The following FLNB variants were observed in gnomAD, a reference collection of about 807,000 sequenced individuals.
The protein encoded by FLNB is filamin-B.
In FLNB, 111 loss-of-function variants were observed where a neutral mutation model predicts 250.6. That is an observed-to-expected ratio of 0.44 (90% confidence interval 0.38 to 0.52). The LOEUF is 0.52. Ranked by LOEUF, FLNB falls within the 20% of genes least tolerant of loss-of-function variation. The pLI is 0.00. For synonymous variants in FLNB, 1,302 were observed against 1,372.1 expected (o/e 0.95, Z 1.13); for missense variants, 2,869 against 3,447.8 (o/e 0.83, Z 4.20).
chr3:58,166,647 C>A (rs147573258), intron 43 of FLNB, among the ~76,000 whole-genome samples: 5 of 151,996 alleles, frequency 3.3e-5, no homozygotes, highest in East Asian at 1.9e-4. Context: ...ACAGCAAAAC[C>A]CCATCTCTAC....
rs778577280 is a variant in FLNB at position 58,105,165 on chromosome 3, C to T, written c.1696C>T (p.Arg566Trp). The T allele has an allele frequency of 3.5e-5, 57 of 1,614,176 alleles. No individual in the cohort carries two copies. Among genetic ancestry groups the T allele is most frequent in the East Asian group, 1.8e-4 (8 of 44,884 alleles). The part of the protein sequence containing the change: ...GPGLHGGIVG[R>W]SADFVVESIG... The stretch of plus-strand genomic sequence containing the variant: ...TGGGCTCCATGGTGGGATTGTCGGG[C>T]GGTCAGCGGACTTCGTGGTAGAATC... Residue 566 changes from arginine (R) to tryptophan (W), a missense_variant, in exon 11 of 46, where the codon CGG (arginine) becomes TGG (tryptophan). Coordinates refer to ENST00000295956, the MANE Select transcript of FLNB (RefSeq NM_001457.4).
intron 29 of FLNB, among the ~76,000 whole-genome samples, chr3:58,141,175 C>T (rs536066141): frequency 3.2e-4 from 48 of 152,180 alleles, no homozygotes; most frequent in Non-Finnish European, 2.9e-4. Context: ...ATCACCTGGG[C>T]CCAGAAGGTT....
chr3:58,031,383 C>T (rs1341098797), intron 1 of FLNB, among the ~76,000 whole-genome samples: 3 of 151,738 alleles, frequency 2.0e-5, no homozygotes, highest in East Asian at 3.9e-4. Flanking sequence ...GCTGGGACTA[C>T]AGGCGCCCGC....
intron 32 of FLNB, among the ~76,000 whole-genome samples, chr3:58,144,417 C>T (rs1468180071): frequency 6.6e-6 from 1 of 152,212 alleles, no homozygotes; most frequent in Admixed American, 6.5e-5. Context: ...TTAAGACTCT[C>T]CATGCAAACG....
At chr3:58,162,670 G>A (rs2097363715) in intron 42 of FLNB, 1 of 182,206 alleles carries the variant, frequency 5.5e-6, no homozygotes, top group Non-Finnish European at 1.2e-5. Flanking sequence ...CCCAATGGGT[G>A]AACAAAGTAA....
Position 58,097,945 on chromosome 3 carries a change from A to G in FLNB, c.1115A>G (p.Asn372Ser). The G allele has an allele frequency of 5.0e-6, 8 of 1,614,160 alleles. No homozygotes were observed. Among genetic ancestry groups the G allele is most frequent in the East Asian group, 2.2e-5 (1 of 44,884 alleles). The change falls in exon 7 of 46, where the codon AAT (asparagine) becomes AGT (serine). Residue 372 changes from asparagine to serine, a missense_variant. This residue lies in a region of FLNB where 1,348 missense variants were observed against 1,466.7 expected (regional missense o/e 0.92). Transcript: ENST00000295956. Reference sequence around the variant, plus strand: ...TTGGAAGCTGTAGGGAACATCGCCAATAAGCCCACCTACTTTGACATCTAT... The same window carrying G: ...TTGGAAGCTGTAGGGAACATCGCCAGTAAGCCCACCTACTTTGACATCTAT... ...PGLEAVGNIA[N>S]KPTYFDIYTA...
chr3:58,139,271 G>C (rs116612347), intron 29 of FLNB, among the ~76,000 whole-genome samples: 12 of 152,250 alleles, frequency 7.9e-5, no homozygotes, highest in African/African-American at 2.9e-4. Context: ...ACCAAGCATC[G>C]TTGGCTTTTT....
rs1442314692 is a variant in FLNB at position 58,154,913 on chromosome 3, A to G, written c.6757A>G (p.Ile2253Val). 2 of 1,614,044 alleles carry G rather than the reference A, an allele frequency of 1.2e-6. No homozygotes were observed. Among genetic ancestry groups the G allele is most frequent in the Non-Finnish European group, 1.7e-6 (2 of 1,179,980 alleles). The change falls in exon 40 of 46, where the codon ATT becomes GTT. Residue 2253 changes from isoleucine (I) to valine (V), a missense_variant. By Grantham distance (29) the Ile-to-Val change is conservative. This residue lies in a region of FLNB where 1,084 missense variants were observed against 1,315.5 expected (regional missense o/e 0.82). Transcript: ENST00000295956. The part of the protein sequence containing the change: ...HKNGSCGVSY[I>V]AQEPGNYEVS... ...AAATGGGTCGTGCGGTGTATCTTAT[A>G]TTGCCCAAGAGCCTGGTATGTATTC...
rs765729388 is a variant in FLNB at position 58,105,127 on chromosome 3, G to A, written c.1658G>A (p.Arg553His). ...CCTGAAGCGGGTATGCAGAAAGTCC[G>A]TGCTTGGGGCCCTGGGCTCCATGGT... ...VGPEAGMQKV[R>H]AWGPGLHGGI... Residue 553 changes from arginine to histidine, a missense_variant, in exon 11 of 46, where the codon CGT becomes CAT. By Grantham distance (29) the Arg-to-His change is conservative. This residue lies in a region of FLNB where 1,348 missense variants were observed against 1,466.7 expected (regional missense o/e 0.92). Transcript: ENST00000295956. 26 of 1,614,088 alleles carry A rather than the reference G, an allele frequency of 1.6e-5. No homozygotes were observed. The highest frequency in any genetic ancestry group is 1.0e-4 in the Admixed American group (6 of 60,014).
chr3:58,126,750 G>T lies in FLNB; in HGVS notation c.4210G>T (p.Ala1404Ser). The T allele has an allele frequency of 6.2e-7, 1 of 1,613,744 alleles. No homozygotes were observed. Among genetic ancestry groups the T allele is most frequent in the Non-Finnish European group, 8.5e-7 (1 of 1,179,718 alleles). Residue 1404 changes from alanine to serine, a missense_variant, in exon 24 of 46, where the codon GCC (alanine) becomes TCC (serine). This residue lies in a region of FLNB where 1,348 missense variants were observed against 1,466.7 expected (regional missense o/e 0.92). Transcript: ENST00000295956. ...DYDVNITYGG[A>S]HIPGSPFRVP... ...CGATGTTAATATCACATATGGAGGA[G>T]CCCACATCCCCGGTGAGCTATTCCT...
chr3:58,025,890 C>T (rs1043343359), intron 1 of FLNB, among the ~76,000 whole-genome samples: 44 of 152,210 alleles, frequency 2.9e-4, no homozygotes, highest in Admixed American at 3.9e-4. Context: ...CATGCCACTG[C>T]ACTCCAGCCT....
At position 58,170,896 on chromosome 3, in the gene FLNB, G is replaced by A; in HGVS notation, c.*134G>A. On this transcript the variant is annotated 3_prime_UTR_variant, in exon 46 of 46. Coordinates refer to ENST00000295956, the MANE Select transcript of FLNB (RefSeq NM_001457.4). ...CCCTAAAATATTGCTGTTGTAAAATGCCTTCAGAAATAAGTCCTAGACTGG... is the reference window on the plus strand; with the variant it reads ...CCCTAAAATATTGCTGTTGTAAAATACCTTCAGAAATAAGTCCTAGACTGG... 1 of 807,510 alleles carries A rather than the reference G, an allele frequency of 1.2e-6. No individual in the cohort carries two copies. The highest frequency in any genetic ancestry group is 2.0e-6 in the Non-Finnish European group (1 of 489,566). 50.0% of individuals were successfully genotyped at this position (807,510 alleles called of 1,614,324 possible). A position where few individuals can be genotyped will look rare whatever the true frequency, so the allele number is the denominator to read the frequency against.
In FLNB at chr3:58,130,853, G is replaced by A; in HGVS notation, c.4335G>A (p.Val1445=). ...VRARVLQSFT[V]DSSKAGLAPL... is the part of the protein sequence containing the mutation. Reference sequence around the variant, plus strand: ...CCCGTGTCCTGCAGTCCTTCACGGTGGACAGCAGCAAGGCTGGCCTGGCTC... The same window carrying A: ...CCCGTGTCCTGCAGTCCTTCACGGTAGACAGCAGCAAGGCTGGCCTGGCTC... The change falls in exon 25 of 46, where the codon GTG becomes GTA. Residue 1445 remains valine (V), a synonymous_variant. Transcript: ENST00000295956. 6.2e-7 allele frequency: 1 copy of A among 1,613,366 alleles called. No individual in the cohort carries two copies. Among genetic ancestry groups the A allele is most frequent in the South Asian group, 1.1e-5 (1 of 90,862 alleles).
chr3:58,063,356 TGA>T (rs2097181165), intron 1 of FLNB, among the ~76,000 whole-genome samples: 1 of 152,172 alleles, frequency 6.6e-6, no homozygotes, highest in Non-Finnish European at 1.5e-5. Flanking sequence ...GTCCCTGGGC[TGA>T]GAGAGTTTGC....
intron 1 of FLNB, among the ~76,000 whole-genome samples, chr3:58,040,200 C>T (rs879821014): frequency 2.0e-5 from 3 of 152,190 alleles, no homozygotes; most frequent in Non-Finnish European, 4.4e-5. Context: ...GCGCTGGCCT[C>T]TCAGGTTCTC....
Position 58,148,833 on chromosome 3 carries a change from C to T in FLNB, c.6072C>T (p.Ile2024=), listed in dbSNP as rs144036986. 5.5e-5 allele frequency: 88 copies of T among 1,613,126 alleles called. No individual in the cohort carries two copies. In the African/African-American group the frequency reaches 9.9e-4, roughly 18 times the overall value. ...GGACTTTCGAGATGTCTGACTTCAT[C>T]GTGGACACAAGGGATGCAGGTCTGT... ...EGRTFEMSDF[I]VDTRDAGYGG... is the part of the protein sequence containing the mutation. The change falls in exon 36 of 46, where the codon ATC becomes ATT. Residue 2024 remains isoleucine, a synonymous_variant. Coordinates refer to ENST00000295956, the MANE Select transcript of FLNB (RefSeq NM_001457.4).
chr3:58,149,273 G>GT (rs1338700357), intron 36 of FLNB: 20 of 279,542 alleles, frequency 7.2e-5, no homozygotes, highest in Non-Finnish European at 1.3e-4. Flanking sequence ...CTTTGAGATG[G>GT]TTTGAGTTAG....
Position 58,163,169 on chromosome 3 carries a change from G to A in FLNB, c.7037G>A (p.Arg2346His), listed in dbSNP as rs758276000. 52 of 1,613,988 alleles carry A rather than the reference G, an allele frequency of 3.2e-5. No individual in the cohort carries two copies. The highest frequency in any genetic ancestry group is 1.5e-4 in the Admixed American group (9 of 59,996). Residue 2346 changes from arginine (R) to histidine (H), a missense_variant, in exon 43 of 46, where the codon CGC becomes CAC. This residue lies in a region of FLNB where 1,084 missense variants were observed against 1,315.5 expected (regional missense o/e 0.82). Coordinates refer to ENST00000295956, the MANE Select transcript of FLNB (RefSeq NM_001457.4). Reference protein sequence around the residue: ...SELEPDKYAVRFIPHENGVHT... With the variant: ...SELEPDKYAVHFIPHENGVHT... Reference sequence around the variant, plus strand: ...ATTCTCCTAGATAAGTATGCTGTTCGCTTCATCCCTCATGAGAATGGTGTC... The same window carrying A: ...ATTCTCCTAGATAAGTATGCTGTTCACTTCATCCCTCATGAGAATGGTGTC...
intron 5 of FLNB, 103 bp from the exon 6 acceptor site, chr3:58,096,038 C>T: frequency 1.2e-6 from 1 of 853,970 alleles, no homozygotes; most frequent in Non-Finnish European, 2.0e-6. Context: ...CCAGCACCTT[C>T]AGTGTTTCCG....
Sources: allele counts gnomAD v4.1 joint callset (sites outside exome capture counted in the v4.1 genomes callset), GRCh38; gene constraint gnomAD v4.1.1; regional missense constraint gnomAD v4.1.1; transcripts MANE v1.5; gene names NCBI Gene and HGNC (gene_info 2026-07-23, HGNC 2026-07-21).